Variants in CHRNB4 observed in about 807,000 individuals in gnomAD.
The protein encoded by CHRNB4 is cholinergic receptor nicotinic beta 4 subunit.
A neutral mutation model predicts 40.4 loss-of-function variants in CHRNB4; 23 were observed. The ratio of observed to expected loss-of-function variants is 0.57; its 90% CI spans 0.41 to 0.81. CHRNB4 has a LOEUF of 0.81. Among genes scored for constraint, CHRNB4 ranks in the 30% least tolerant of loss-of-function variants. The pLI is 0.00. For missense variants in CHRNB4, 568 were observed against 670.6 expected (o/e 0.85, Z 1.69); for synonymous variants, 285 against 274.4 (o/e 1.04, Z -0.38).
rs777464628 is a variant in CHRNB4 at position 78,635,630 on chromosome 15, T to C, written c.56-43A>G. Reference sequence around the variant, plus strand: ...CAGACCTGCTGGGCCCTTGTGCACCTGACCCCCACTGCAGCCTGTGGCAGC... The same window carrying C: ...CAGACCTGCTGGGCCCTTGTGCACCCGACCCCCACTGCAGCCTGTGGCAGC... On this transcript the variant is annotated intron_variant, in intron 1 of 5. Transcript: ENST00000261751. 1.7e-5 allele frequency: 28 copies of C among 1,608,944 alleles called. 1 individual carries two copies. The Admixed American group carries it at 4.3e-4, about 25-fold the overall frequency.
intron 5 of CHRNB4, 104 bp downstream of exon 5, chr15:78,628,863 A>T (rs1266019871): frequency 2.8e-6 from 4 of 1,403,852 alleles, no homozygotes; most frequent in Non-Finnish European, 3.9e-6. Flanking sequence ...TCAGAGTTTG[A>T]GAGTCCTTGT....
intron 5 of CHRNB4, among the ~76,000 whole-genome samples, chr15:78,654,233 G>C (rs2141410703): frequency 6.6e-6 from 1 of 152,330 alleles, no homozygotes; most frequent in African/African-American, 2.4e-5. Context: ...AATACTCAAA[G>C]AGAATTGAGG....
At chr15:78,646,508 C>T (rs991125201) in intron 7 of CHRNB4, among the ~76,000 whole-genome samples, 4 of 152,166 alleles carry the variant, frequency 2.6e-5, no homozygotes, top group African/African-American at 9.7e-5. Context: ...GTGGCTTAAA[C>T]AACACACGTT....
At chr15:78,660,726 TGA>T (rs1273681121), upstream of CHRNB4, 1 of 200,252 alleles carries the variant, frequency 5.0e-6, no homozygotes, top group African/African-American at 2.3e-5. Flanking sequence ...ACCTGGTGTC[TGA>T]GAGAAGCTTT....
At chr15:78,659,526 A>G (rs767670240) in intron 1 of CHRNB4, among the ~76,000 whole-genome samples, 10 of 152,206 alleles carry the variant, frequency 6.6e-5, no homozygotes, top group Non-Finnish European at 1.0e-4. Context: ...GCAGGGTGAC[A>G]GAGAAGGGGT....
In CHRNB4 at chr15:78,629,615, G is replaced by C. The variant is rs1301944134; in HGVS notation, c.690C>G (p.Arg230=). The change falls in exon 5 of 6, where the codon CGC becomes CGG. Residue 230 remains arginine, a synonymous_variant. Coordinates refer to ENST00000261751, the MANE Select transcript of CHRNB4 (RefSeq NM_000750.5). The surrounding 1 kb of genome is among the most constrained non-coding windows in gnomAD (Gnocchi z 6.8). ...VDVTYDFIIK[R]KPLFYTINLI... ...GGTTGATGGTGTAGAACAGAGGCTT[G>C]CGCTTGATGATGAAGTCGTAAGTCA... is the stretch of plus-strand genomic sequence containing the variant. 6.2e-7 allele frequency: 1 copy of C among 1,613,998 alleles called. No homozygotes were observed. Among genetic ancestry groups the C allele is most frequent in the Non-Finnish European group, 8.5e-7 (1 of 1,180,012 alleles).
intron 4 of CHRNB4, among the ~76,000 whole-genome samples, chr15:78,630,211 T>C (rs1027726850): frequency 6.6e-6 from 1 of 151,322 alleles, no homozygotes; most frequent in Non-Finnish European, 1.5e-5. Context: ...CAATCTCGGC[T>C]CACTGCAACC....
At chr15:78,651,396 C>T (rs1454337998) in intron 6 of CHRNB4, among the ~76,000 whole-genome samples, 1 of 152,210 alleles carries the variant, frequency 6.6e-6, no homozygotes, top group African/African-American at 2.4e-5. Flanking sequence ...CAGCTCTTCT[C>T]CCCGACTGCT....
intron 1 of CHRNB4, 114 bp downstream of exon 1, chr15:78,640,965 C>T: frequency 4.9e-6 from 6 of 1,224,444 alleles, no homozygotes; most frequent in Non-Finnish European, 6.8e-6. Flanking sequence ...CCGGGACAAT[C>T]TCGGGCCACT....
chr15:78,644,545 C>A (rs2054107903), upstream of CHRNB4, among the ~76,000 whole-genome samples: 1 of 152,078 alleles, frequency 6.6e-6, no homozygotes, highest in Non-Finnish European at 1.5e-5. Flanking sequence ...GACTTCCCAA[C>A]CTCCAGAACT....
In CHRNB4 at chr15:78,625,023, G is replaced by A; in HGVS notation, c.*110C>T. 2.5e-6 allele frequency: 4 copies of A among 1,600,852 alleles called. No individual in the cohort carries two copies. Among genetic ancestry groups the A allele is most frequent in the Non-Finnish European group, 3.4e-6 (4 of 1,179,492 alleles). The stretch of plus-strand genomic sequence containing the variant: ...CTGTGGCTGGTTTGATGGGGTTGAT[G>A]GCCAATGCTCACATATTTACTTAGG... On this transcript the variant is annotated 3_prime_UTR_variant, in exon 6 of 6. Coordinates refer to ENST00000261751, the MANE Select transcript of CHRNB4 (RefSeq NM_000750.5).
chr15:78,659,490 G>C (rs946772785), intron 1 of CHRNB4, among the ~76,000 whole-genome samples: 1 of 152,048 alleles, frequency 6.6e-6, no homozygotes, highest in Non-Finnish European at 1.5e-5. Flanking sequence ...GAAGGCTCTA[G>C]AGAAAACAAA....
intron 1 of CHRNB4, among the ~76,000 whole-genome samples, chr15:78,659,370 G>A (rs2054236146): frequency 6.6e-6 from 1 of 152,170 alleles, no homozygotes; most frequent in Non-Finnish European, 1.5e-5. Context: ...GGAGGCAGAG[G>A]TGAGCTGAGG....
At chr15:78,639,459 C>T (rs2054026012) in intron 1 of CHRNB4, among the ~76,000 whole-genome samples, 1 of 152,006 alleles carries the variant, frequency 6.6e-6, no homozygotes, top group Non-Finnish European at 1.5e-5. Flanking sequence ...CTACCACGCC[C>T]GGTTAATTTT....
intron 1 of CHRNB4, among the ~76,000 whole-genome samples, chr15:78,659,922 T>C (rs949932574): frequency 2.6e-5 from 4 of 151,938 alleles, no homozygotes; most frequent in African/African-American, 7.3e-5. Flanking sequence ...AAGCTAGAGA[T>C]GATGATGGGT....
At chr15:78,660,844 G>T (rs2054246369), upstream of CHRNB4, 3 of 326,114 alleles carry the variant, frequency 9.2e-6, 1 homozygote, top group South Asian at 8.8e-5. Flanking sequence ...TATCTCAGCG[G>T]TTGCTGTGAG....
At chr15:78,659,405 G>A (rs1384070781) in intron 1 of CHRNB4, among the ~76,000 whole-genome samples, 3 of 152,164 alleles carry the variant, frequency 2.0e-5, no homozygotes, top group Non-Finnish European at 4.4e-5. Flanking sequence ...TCCAGCCTGG[G>A]CAACAGAGAA....
intron 1 of CHRNB4, among the ~76,000 whole-genome samples, chr15:78,637,146 G>A (rs1450267817): frequency 1.3e-5 from 2 of 152,166 alleles, no homozygotes; most frequent in African/African-American, 4.8e-5. Context: ...TCAAGACCCA[G>A]CCTAAATACC....
At chr15:78,658,780 A>G (rs1184629724) in intron 1 of CHRNB4, among the ~76,000 whole-genome samples, 1 of 152,126 alleles carries the variant, frequency 6.6e-6, no homozygotes, top group Non-Finnish European at 1.5e-5. Flanking sequence ...ACCTGAACCA[A>G]TTCTTGGTTA....
Sources: allele counts gnomAD v4.1 joint callset (sites outside exome capture counted in the v4.1 genomes callset), GRCh38; gene constraint gnomAD v4.1.1; non-coding constraint Gnocchi (gnomAD v3.1); transcripts MANE v1.5; gene names NCBI Gene and HGNC (gene_info 2026-07-23, HGNC 2026-07-21).